Variants in LINGO1 observed in about 807,000 individuals in gnomAD.
The protein encoded by LINGO1 is leucine rich repeat and Ig domain containing 1.
Under a neutral mutation model 37.3 loss-of-function variants are expected in LINGO1, and 11 were observed. The ratio of observed to expected loss-of-function variants is 0.29; its 90% CI spans 0.19 to 0.49. The LOEUF (loss-of-function observed/expected upper bound fraction) is 0.49, where lower values mean the gene tolerates loss of function less well. LINGO1 is among the 20% of genes least tolerant of loss of function. The probability of loss-of-function intolerance (pLI) is 0.99; values close to 1 mark genes in which losing one functional copy is unlikely to be tolerated. For missense variants in LINGO1, 585 were observed against 878.2 expected (o/e 0.67, Z 4.22); for synonymous variants, 387 against 403.0 (o/e 0.96, Z 0.48).
upstream of LINGO1, among the ~76,000 whole-genome samples, chr15:77,700,156 C>A (rs187979127): frequency 6.6e-6 from 1 of 152,288 alleles, no homozygotes; most frequent in Admixed American, 6.5e-5. Flanking sequence ...TGGCCTCCTG[C>A]CCATCAAACC....
intron 1 of LINGO1, among the ~76,000 whole-genome samples, chr15:77,786,586 C>T (rs2076773297): frequency 6.6e-6 from 1 of 152,210 alleles, no homozygotes; most frequent in Non-Finnish European, 1.5e-5. Context: ...GTAGGCCATG[C>T]AGAGGAGGGA....
chr15:77,634,535 C>T (rs2074355821), upstream of LINGO1, among the ~76,000 whole-genome samples: 2 of 152,226 alleles, frequency 1.3e-5, no homozygotes, highest in African/African-American at 4.8e-5. Context: ...AGAGAGGTTC[C>T]AGGCTCTGCC....
intron 1 of LINGO1, among the ~76,000 whole-genome samples, chr15:77,784,445 A>C (rs1260906179): frequency 7.2e-5 from 11 of 152,384 alleles, no homozygotes; most frequent in Non-Finnish European, 8.8e-5. Flanking sequence ...ATCGTGCTGC[A>C]GGCAGCAAAG....
At chr15:77,790,951 T>C (rs556955910), upstream of LINGO1, among the ~76,000 whole-genome samples, 5 of 152,288 alleles carry the variant, frequency 3.3e-5, no homozygotes, top group South Asian at 1.0e-3. Context: ...ATCATGAGCT[T>C]GGGTTGGGCC....
rs1043447821 is a variant in LINGO1 at position 77,624,175 on chromosome 15, G to C, written c.6+8135C>G. ...GTGTGAGTGGCCTCTGTGTGTGTGT[G>C]TGTGTGTGTGTGTGTGTGATGTGTG... On this transcript the variant is annotated intron_variant, in intron 1 of 1. Coordinates refer to ENST00000355300, the MANE Select transcript of LINGO1 (RefSeq NM_032808.7). Among the ~76,000 whole-genome samples the C allele has an allele frequency of 1.0e-4, 15 of 148,550 alleles. 1 individual carries two copies. Among genetic ancestry groups the C allele is most frequent in the African/African-American group, 3.8e-4 (15 of 39,850 alleles).
At chr15:77,750,415 C>T (rs1362194431) in intron 1 of LINGO1, among the ~76,000 whole-genome samples, 1 of 152,212 alleles carries the variant, frequency 6.6e-6, no homozygotes, top group Non-Finnish European at 1.5e-5. Flanking sequence ...CACACACAGC[C>T]GCCCACACGC....
chr15:77,639,502 G>A (rs1478241262), intron 3 of LINGO1, among the ~76,000 whole-genome samples: 1 of 151,880 alleles, frequency 6.6e-6, no homozygotes, highest in Non-Finnish European at 1.5e-5. Flanking sequence ...CCCGAGGCAT[G>A]AGCACACGAG....
At chr15:77,639,629 C>T (rs1353729738) in intron 3 of LINGO1, among the ~76,000 whole-genome samples, 1 of 152,138 alleles carries the variant, frequency 6.6e-6, no homozygotes, top group East Asian at 1.9e-4. Context: ...CAATGGAATA[C>T]TATGCAGCAG....
chr15:77,666,012 G>A (rs1328421795), intron 3 of LINGO1, among the ~76,000 whole-genome samples: 1 of 152,220 alleles, frequency 6.6e-6, no homozygotes, highest in African/African-American at 2.4e-5. Context: ...CAAGGCCATG[G>A]GCTCCCCCAG....
chr15:77,632,256 G>T lies in LINGO1; in HGVS notation c.6+54C>A. ...GCCAGGGCCGATGGCGGCCCCCAGG[G>T]GCACTCGCCGCGGGGCTGCCCGCTC... On this transcript the variant is annotated intron_variant, in intron 1 of 1. Transcript: ENST00000355300. The surrounding 1 kb of genome is among the most constrained non-coding windows in gnomAD (Gnocchi z 6.0). 1 of 1,341,438 alleles carries T rather than the reference G, an allele frequency of 7.5e-7. No homozygotes were observed. The highest frequency in any genetic ancestry group is 9.5e-7 in the Non-Finnish European group (1 of 1,052,670). The allele number at this position is 1,341,438 out of a possible 1,614,324, so 83.1% of individuals were successfully genotyped here.
intron 1 of LINGO1, among the ~76,000 whole-genome samples, chr15:77,799,263 C>T (rs976972159): frequency 3.9e-5 from 6 of 152,166 alleles, no homozygotes; most frequent in Admixed American, 3.9e-4. Flanking sequence ...TCAGAGGAGA[C>T]AGACCATCAT....
At chr15:77,785,411 G>A (rs2076761733) in intron 1 of LINGO1, among the ~76,000 whole-genome samples, 1 of 152,178 alleles carries the variant, frequency 6.6e-6, no homozygotes, top group African/African-American at 2.4e-5. Context: ...CCCAACTGAG[G>A]CCCTGGAGCG....
intron 1 of LINGO1, among the ~76,000 whole-genome samples, chr15:77,735,449 G>A (rs1316787666): frequency 6.6e-6 from 1 of 152,184 alleles, no homozygotes; most frequent in East Asian, 1.9e-4. Context: ...CTGAGGCCAC[G>A]TGTGGCTTAT....
At chr15:77,642,236 T>C (rs1305183447) in intron 3 of LINGO1, among the ~76,000 whole-genome samples, 1 of 152,128 alleles carries the variant, frequency 6.6e-6, no homozygotes, top group African/African-American at 2.4e-5. Flanking sequence ...GGGAGACAGC[T>C]GCGGAGGGGG....
At chr15:77,709,122 TGTGA>T (rs1028956942) in intron 2 of LINGO1, among the ~76,000 whole-genome samples, 40 of 152,320 alleles carry the variant, frequency 2.6e-4, no homozygotes, top group African/African-American at 9.4e-4. Flanking sequence ...TCTCCAGAGC[TGTGA>T]GAGAGTAATT....
chr15:77,671,398 A>G (rs754536916), intron 3 of LINGO1, among the ~76,000 whole-genome samples: 8 of 152,134 alleles, frequency 5.3e-5, no homozygotes, highest in African/African-American at 9.7e-5. Flanking sequence ...ATGGAGAGGA[A>G]GCACGGGCTG....
chr15:77,630,430 T>A (rs1006013895), intron 1 of LINGO1, among the ~76,000 whole-genome samples: 4 of 152,160 alleles, frequency 2.6e-5, no homozygotes, highest in Non-Finnish European at 5.9e-5. Context: ...AAGAGGTTGT[T>A]TTTTGGGGGG....
At position 77,719,263 on chromosome 15, in the gene LINGO1, G is replaced by A. The variant is rs2076020670; in HGVS notation, c.-195+15729C>T. ...GGCTCCCCAGGCCTGGGGTGGCTGG[G>A]TGGTGGAGTGAGGAACCCCACAAAG... On this transcript the variant is annotated intron_variant, in intron 2 of 3. Coordinates refer to the LINGO1 transcript ENST00000561686. Among the ~76,000 whole-genome samples, 3 of 150,186 alleles carry A rather than the reference G, an allele frequency of 2.0e-5. 1 individual carries two copies. Among genetic ancestry groups the A allele is most frequent in the East Asian group, 4.3e-4 (2 of 4,638 alleles).
chr15:77,819,064 G>A (rs1461700658), intron 1 of LINGO1, among the ~76,000 whole-genome samples: 21 of 151,366 alleles, frequency 1.4e-4, no homozygotes, highest in Non-Finnish European at 3.0e-5. Flanking sequence ...CGCGGCCTGG[G>A]CTGCCGAGCA....
Sources: allele counts gnomAD v4.1 joint callset (sites outside exome capture counted in the v4.1 genomes callset), GRCh38; gene constraint gnomAD v4.1.1; non-coding constraint Gnocchi (gnomAD v3.1); transcripts MANE v1.5; gene names NCBI Gene and HGNC (gene_info 2026-07-23, HGNC 2026-07-21).